The following PRKAR1A variants were observed in gnomAD, a reference collection of about 807,000 sequenced individuals.
PRKAR1A encodes protein kinase cAMP-dependent type I regulatory subunit alpha, also known as cAMP-dependent protein kinase type I-alpha regulatory subunit.
In PRKAR1A, 3 loss-of-function variants were observed where a neutral mutation model predicts 52.0. The ratio of observed to expected loss-of-function variants is 0.06; its 90% CI spans 0.03 to 0.15. PRKAR1A has a LOEUF of 0.15. Among genes scored for constraint, PRKAR1A ranks in the 10% least tolerant of loss-of-function variants. PRKAR1A has a pLI of 1.00. For synonymous variants in PRKAR1A, 188 were observed against 168.4 expected, an observed-to-expected ratio of 1.12 and a Z score of -0.90; for missense variants, 240 against 477.4, an observed-to-expected ratio of 0.50 and a Z score of 4.63.
intron 11 of PRKAR1A, among the ~76,000 whole-genome samples, chr17:68,549,365 A>T (rs2086726024): frequency 6.6e-6 from 1 of 152,052 alleles, no homozygotes; most frequent in Non-Finnish European, 1.5e-5. Flanking sequence ...GTGGTGGTAC[A>T]CATCTATAAT....
At chr17:68,546,558 T>G (rs1024138993) in intron 11 of PRKAR1A, among the ~76,000 whole-genome samples, 1 of 151,954 alleles carries the variant, frequency 6.6e-6, no homozygotes, top group African/African-American at 2.4e-5. Context: ...TGGCTGGGCG[T>G]GGTGGCTCGC....
At chr17:68,496,818 CTTTTTTT>C in the PRKAR1A span, among the ~76,000 whole-genome samples, 572 of 91,208 alleles carry the variant, frequency 6.3e-3, no homozygotes, top group Middle Eastern at 0.023. Flanking sequence ...TTAGTTTTTA[CTTTTTTT>C]TTTTTTTTTT....
At chr17:68,535,116 T>A (rs1451046904), downstream of PRKAR1A, 3 of 365,916 alleles carry the variant, frequency 8.2e-6, no homozygotes, top group Non-Finnish European at 1.6e-5. Context: ...TGAAAAGTTC[T>A]CAGAGTCAAG....
chr17:68,522,989 T>G, intron 3 of PRKAR1A, 63 bp downstream of exon 3: 1 of 1,573,822 alleles, frequency 6.4e-7, no homozygotes, highest in African/African-American at 1.3e-5. Context: ...TCATCTAGTC[T>G]CCTTTGATGA....
At chr17:68,486,542 TTTCTTTCTTTC>T in the PRKAR1A span, among the ~76,000 whole-genome samples, 1 of 140,496 alleles carries the variant, frequency 7.1e-6, no homozygotes, top group South Asian at 2.3e-4. Context: ...TCTTTCTTTC[TTTCTTTCTTTC>T]TTTCTTTCTT....
At chr17:68,502,005 C>G in the PRKAR1A span, among the ~76,000 whole-genome samples, 3 of 152,136 alleles carry the variant, frequency 2.0e-5, no homozygotes. Flanking sequence ...TTCTTAATAT[C>G]TCTCAAATCT....
the PRKAR1A span, among the ~76,000 whole-genome samples, chr17:68,418,791 A>G: frequency 2.3e-3 from 345 of 152,276 alleles, no homozygotes; most frequent in African/African-American, 7.7e-3. Flanking sequence ...GAGCCACTGG[A>G]AGAATTTCTC....
At chr17:68,518,568 A>G (rs958848637) in intron 2 of PRKAR1A, among the ~76,000 whole-genome samples, 12 of 152,172 alleles carry the variant, frequency 7.9e-5, no homozygotes, top group South Asian at 4.1e-4. Flanking sequence ...GCAGGGTACC[A>G]TGTCCTGAGG....
intron 2 of PRKAR1A, among the ~76,000 whole-genome samples, chr17:68,517,790 A>G (rs1484925457): frequency 3.3e-5 from 5 of 152,148 alleles, no homozygotes; most frequent in African/African-American, 1.2e-4. Context: ...CAGAGTCTTA[A>G]CTCATTCCAG....
intron 2 of PRKAR1A, among the ~76,000 whole-genome samples, chr17:68,519,029 C>T (rs1389753488): frequency 6.6e-6 from 1 of 152,150 alleles, no homozygotes; most frequent in South Asian, 2.1e-4. Flanking sequence ...CTTCATTGTC[C>T]ATATTACTAT....
the PRKAR1A span, among the ~76,000 whole-genome samples, chr17:68,435,345 C>T: frequency 0.011 from 1,643 of 152,292 alleles, 32 homozygotes; most frequent in African/African-American, 0.037. Context: ...TCCGTCTCTA[C>T]GGCTGATGTA....
chr17:68,496,487 G>A, the PRKAR1A span, among the ~76,000 whole-genome samples: 2 of 152,284 alleles, frequency 1.3e-5, no homozygotes, highest in South Asian at 2.1e-4. Context: ...GACAATCTCT[G>A]TATTTTAAGA....
At position 68,530,884 on chromosome 17, in the gene PRKAR1A, T is replaced by G. The variant is rs2085956483; in HGVS notation, c.*435T>G. 1.8e-6 allele frequency: 2 copies of G among 1,137,412 alleles called. No homozygotes were observed. The highest frequency in any genetic ancestry group is 8.7e-5 in the Admixed American group (2 of 22,874). The allele number at this position is 1,137,412 out of a possible 1,614,324, so 70.5% of individuals were successfully genotyped here. A position where few individuals can be genotyped will look rare whatever the true frequency, so the allele number is the denominator to read the frequency against. On this transcript the variant is annotated 3_prime_UTR_variant, in exon 11 of 11. Transcript: ENST00000589228. ...TGTATTTCTTTGTAGAATAAATGGTTTCTCATTAAACTCTAAAGATTAGGG... is the reference window on the plus strand; with the variant it reads ...TGTATTTCTTTGTAGAATAAATGGTGTCTCATTAAACTCTAAAGATTAGGG...
At chr17:68,431,209 T>C in the PRKAR1A span, among the ~76,000 whole-genome samples, 1 of 152,140 alleles carries the variant, frequency 6.6e-6, no homozygotes, top group Admixed American at 6.5e-5. Flanking sequence ...GCTGCACAGA[T>C]GGTCCAGGCA....
At chr17:68,449,368 G>T in the PRKAR1A span, among the ~76,000 whole-genome samples, 1 of 152,186 alleles carries the variant, frequency 6.6e-6, no homozygotes, top group Non-Finnish European at 1.5e-5. Flanking sequence ...GGTGGCTCAT[G>T]CCTGTAATTC....
chr17:68,416,423 C>G, the PRKAR1A span, among the ~76,000 whole-genome samples: 3 of 151,972 alleles, frequency 2.0e-5, no homozygotes, highest in African/African-American at 7.3e-5. Context: ...GTATTTTTGT[C>G]TCATGTTTTT....
At chr17:68,444,341 G>A in the PRKAR1A span, 1 of 677,894 alleles carries the variant, frequency 1.5e-6, no homozygotes. Flanking sequence ...ATTTGAATCT[G>A]CCGCCATTAA....
At chr17:68,433,533 T>G in the PRKAR1A span, 1 of 1,613,882 alleles carries the variant, frequency 6.2e-7, no homozygotes, top group Non-Finnish European at 8.5e-7. Flanking sequence ...CGCAGAGGAA[T>G]TGTGAATCCA....
chr17:68,532,645 C>T lies in PRKAR1A; in HGVS notation c.*2196C>T, dbSNP rs886053320. Reference sequence around the variant, plus strand: ...TAGAAAGTATAGATGGCCAAAGGACCGTTTTGTATTGCTTCCTGATTACCA... The same window carrying T: ...TAGAAAGTATAGATGGCCAAAGGACTGTTTTGTATTGCTTCCTGATTACCA... On this transcript the variant is annotated 3_prime_UTR_variant, in exon 11 of 11. Coordinates refer to ENST00000589228, the MANE Select transcript of PRKAR1A (RefSeq NM_002734.5). The T allele has an allele frequency of 1.2e-4, 133 of 1,065,928 alleles. No individual in the cohort carries two copies. Among genetic ancestry groups the T allele is most frequent in the Middle Eastern group, 4.1e-4 (1 of 2,422 alleles). The allele number at this position is 1,065,928 out of a possible 1,614,324, so 66.0% of individuals were successfully genotyped here. A position where few individuals can be genotyped will look rare whatever the true frequency, so the allele number is the denominator to read the frequency against.
Sources: gnomAD v4.1 joint callset for allele counts (sites outside exome capture counted in the v4.1 genomes callset) on GRCh38, gnomAD v4.1.1 for gene constraint, MANE v1.5 for transcripts, NCBI Gene and HGNC (gene_info 2026-07-23, HGNC 2026-07-21) for gene names.